The following GRM8 variants were observed in gnomAD, a reference collection of about 807,000 sequenced individuals.
GRM8 encodes the protein glutamate metabotropic receptor 8.
Under a neutral mutation model 87.2 loss-of-function variants are expected in GRM8, and 47 were observed. That is an observed-to-expected ratio of 0.54 (90% CI 0.43 to 0.69). GRM8 has a LOEUF of 0.69. Ranked by LOEUF, GRM8 falls within the 30% of genes least tolerant of loss-of-function variation. GRM8 has a pLI of 0.00. For missense variants in GRM8, 1,019 were observed against 1,139.2 expected (o/e 0.89, Z 1.52); for synonymous variants, 396 against 404.5 (o/e 0.98, Z 0.25).
chr7:126,651,554 G>A (rs1038161974), intron 7 of GRM8, among the ~76,000 whole-genome samples: 5 of 152,104 alleles, frequency 3.3e-5, no homozygotes, highest in East Asian at 1.9e-4. Flanking sequence ...TCCTGGTACC[G>A]CGACATTATG....
intron 10 of GRM8, among the ~76,000 whole-genome samples, chr7:126,443,278 C>T (rs1801668529): frequency 6.6e-6 from 1 of 151,996 alleles, no homozygotes; most frequent in African/African-American, 2.4e-5. Context: ...TGAAATAACA[C>T]TTGACCTTTT....
At chr7:126,982,808 G>A (rs989851448) in intron 3 of GRM8, among the ~76,000 whole-genome samples, 1 of 152,144 alleles carries the variant, frequency 6.6e-6, no homozygotes, top group African/African-American at 2.4e-5. Context: ...CCTTTAGCAA[G>A]CACCTCAGCA....
chr7:126,802,379 T>A (rs928173709), intron 6 of GRM8, among the ~76,000 whole-genome samples: 2 of 152,202 alleles, frequency 1.3e-5, no homozygotes, highest in Non-Finnish European at 2.9e-5. Context: ...ACTTCCTGCT[T>A]CTATGAACTC....
intron 3 of GRM8, among the ~76,000 whole-genome samples, chr7:126,964,809 G>GTA (rs1378479615): frequency 6.6e-6 from 1 of 152,160 alleles, no homozygotes; most frequent in East Asian, 1.9e-4. Flanking sequence ...CCATTACTGG[G>GTA]TATATACCCA....
At chr7:127,201,010 T>C (rs929491804) in intron 2 of GRM8, among the ~76,000 whole-genome samples, 1 of 152,206 alleles carries the variant, frequency 6.6e-6, no homozygotes, top group Non-Finnish European at 1.5e-5. Flanking sequence ...CTTTATTATA[T>C]CCAAGATCAT....
At chr7:126,450,691 C>T (rs1802526131) in intron 9 of GRM8, among the ~76,000 whole-genome samples, 1 of 151,660 alleles carries the variant, frequency 6.6e-6, no homozygotes, top group Non-Finnish European at 1.5e-5. Context: ...TGGTAACACC[C>T]CAAATCAATC....
intron 2 of GRM8, among the ~76,000 whole-genome samples, chr7:127,192,588 GAC>G (rs1176573295): frequency 6.6e-6 from 1 of 152,148 alleles, no homozygotes; most frequent in Non-Finnish European, 1.5e-5. Context: ...AGAAGTCTGA[GAC>G]ACATAAAAAA....
At chr7:127,226,679 T>G (rs1174562205) in intron 2 of GRM8, among the ~76,000 whole-genome samples, 1 of 152,222 alleles carries the variant, frequency 6.6e-6, no homozygotes, top group Non-Finnish European at 1.5e-5. Context: ...AATTTGAAAA[T>G]TAACGCCTCA....
At chr7:126,665,780 TATAAA>T (rs905706622) in intron 7 of GRM8, among the ~76,000 whole-genome samples, 3 of 151,840 alleles carry the variant, frequency 2.0e-5, no homozygotes, top group Non-Finnish European at 4.4e-5. Flanking sequence ...TATTAAATTA[TATAAA>T]ATAAAACTAT....
intron 2 of GRM8, among the ~76,000 whole-genome samples, chr7:127,135,597 G>A (rs529476319): frequency 4.2e-4 from 9 of 21,314 alleles, no homozygotes; most frequent in Admixed American, 4.0e-3. Context: ...CAGCCTGGGC[G>A]ACAGAGCGAG....
chr7:126,632,969 A>G (rs1432584236), intron 7 of GRM8, among the ~76,000 whole-genome samples: 1 of 152,032 alleles, frequency 6.6e-6, no homozygotes, highest in Non-Finnish European at 1.5e-5. Context: ...TTGTTAGTAA[A>G]GTGTAAACTA....
chr7:126,445,235 C>T (rs1320909592), intron 10 of GRM8: 1 of 152,038 alleles, frequency 6.6e-6, no homozygotes, highest in African/African-American at 2.4e-5. Context: ...AATACAAGTA[C>T]CTTTGCTTTT....
chr7:126,738,989 C>T (rs140615767), intron 7 of GRM8, among the ~76,000 whole-genome samples: 11 of 151,602 alleles, frequency 7.3e-5, no homozygotes, highest in East Asian at 2.0e-4. Context: ...CCTTCAGCAA[C>T]GTGCAAATCA....
intron 9 of GRM8, among the ~76,000 whole-genome samples, chr7:126,475,347 T>C (rs1805776153): frequency 6.6e-6 from 1 of 151,690 alleles, no homozygotes; most frequent in Non-Finnish European, 1.5e-5. Flanking sequence ...AACTATCCAA[T>C]TAAGAAAAAA....
At chr7:126,617,817 C>T (rs1563018729) in intron 7 of GRM8, among the ~76,000 whole-genome samples, 1 of 152,130 alleles carries the variant, frequency 6.6e-6, no homozygotes, top group African/African-American at 2.4e-5. Context: ...ATCCAACTTA[C>T]AAGGGATGTG....
At chr7:126,803,958 C>T (rs1792382076) in intron 6 of GRM8, among the ~76,000 whole-genome samples, 1 of 152,200 alleles carries the variant, frequency 6.6e-6, no homozygotes, top group Non-Finnish European at 1.5e-5. Flanking sequence ...TAATGCAAGT[C>T]CCTGACTGAT....
At chr7:126,693,449 G>A (rs963293051) in intron 7 of GRM8, among the ~76,000 whole-genome samples, 1 of 152,116 alleles carries the variant, frequency 6.6e-6, no homozygotes, top group Non-Finnish European at 1.5e-5. Flanking sequence ...GTGTATATAA[G>A]TACAATACAT....
At chr7:127,047,440 T>G (rs1423361511) in intron 3 of GRM8, among the ~76,000 whole-genome samples, 2 of 152,172 alleles carry the variant, frequency 1.3e-5, no homozygotes, top group Non-Finnish European at 2.9e-5. Flanking sequence ...CCTTCTACCT[T>G]CTTTCATGTT....
intron 3 of GRM8, among the ~76,000 whole-genome samples, chr7:126,998,176 C>T (rs771315539): frequency 5.9e-5 from 9 of 151,852 alleles, no homozygotes; most frequent in African/African-American, 1.4e-4. Context: ...ATGATCATTT[C>T]GATTGATGCT....
Sources: gnomAD v4.1 joint callset for allele counts (sites outside exome capture counted in the v4.1 genomes callset) on GRCh38, gnomAD v4.1.1 for gene constraint, MANE v1.5 for transcripts, NCBI Gene and HGNC (gene_info 2026-07-23, HGNC 2026-07-21) for gene names.